The following KAZN variants were observed in gnomAD, a reference collection of about 807,000 sequenced individuals.
The protein encoded by KAZN is kazrin.
KAZN carries 40 observed loss-of-function variants against 87.4 expected under a neutral mutation model. The ratio of observed to expected loss-of-function variants is 0.46; its 90% CI spans 0.36 to 0.60. KAZN has a LOEUF of 0.60. KAZN is among the 20% of genes least tolerant of loss of function. The pLI is 0.00. For synonymous variants in KAZN, 466 were observed against 458.3 expected, an observed-to-expected ratio of 1.02 and a Z score of -0.22; for missense variants, 898 against 1,073.9, an observed-to-expected ratio of 0.84 and a Z score of 2.29.
intron 1 of KAZN, among the ~76,000 whole-genome samples, chr1:14,627,966 G>A (rs192964701): frequency 6.6e-6 from 1 of 151,946 alleles, no homozygotes; most frequent in Non-Finnish European, 1.5e-5. Flanking sequence ...GTGTGGGCAA[G>A]ATGGATATGG....
chr1:14,273,177 GTGT>G (rs1652086100), intron 2 of KAZN, among the ~76,000 whole-genome samples: 2 of 152,078 alleles, frequency 1.3e-5, no homozygotes, highest in South Asian at 4.1e-4. Context: ...TGGCTTATTT[GTGT>G]TGTTGTTGGA....
At chr1:14,530,358 A>G (rs945837045) in intron 2 of KAZN, among the ~76,000 whole-genome samples, 18 of 152,168 alleles carry the variant, frequency 1.2e-4, no homozygotes, top group Admixed American at 8.5e-4. Flanking sequence ...CCATCAGTGG[A>G]CTGCAGCCTT....
intron 1 of KAZN, among the ~76,000 whole-genome samples, chr1:13,906,339 A>G (rs1639434723): frequency 6.6e-6 from 1 of 152,188 alleles, no homozygotes; most frequent in Non-Finnish European, 1.5e-5. Context: ...AAATAGAGCA[A>G]ACAACCTCCA....
intron 2 of KAZN, among the ~76,000 whole-genome samples, chr1:14,334,807 G>A (rs1295749824): frequency 2.0e-5 from 3 of 152,128 alleles, no homozygotes; most frequent in African/African-American, 7.2e-5. Flanking sequence ...TTCCCCCAGA[G>A]AGAGACAGAA....
chr1:14,670,736 G>A (rs900598820), intron 1 of KAZN, among the ~76,000 whole-genome samples: 1 of 152,194 alleles, frequency 6.6e-6, no homozygotes, highest in African/African-American at 2.4e-5. Flanking sequence ...TTAAAACACA[G>A]ATGCTGATTC....
At chr1:14,057,165 C>A (rs1051393718) in intron 1 of KAZN, among the ~76,000 whole-genome samples, 11 of 147,952 alleles carry the variant, frequency 7.4e-5, no homozygotes, top group Non-Finnish European at 1.3e-4. Flanking sequence ...GACGGAGTCT[C>A]ACTCTGTTTT....
chr1:14,248,250 C>T (rs1389171628), intron 2 of KAZN, among the ~76,000 whole-genome samples: 1 of 152,198 alleles, frequency 6.6e-6, no homozygotes. Flanking sequence ...TTCTAAACTC[C>T]TATAAATGAG....
At chr1:14,380,888 A>G (rs1228729220) in intron 2 of KAZN, among the ~76,000 whole-genome samples, 1 of 152,264 alleles carries the variant, frequency 6.6e-6, no homozygotes, top group East Asian at 1.9e-4. Flanking sequence ...TAGAATACCA[A>G]GCAGTTTAAC....
intron 1 of KAZN, among the ~76,000 whole-genome samples, chr1:14,164,132 C>T (rs1371660816): frequency 6.6e-6 from 1 of 152,182 alleles, no homozygotes; most frequent in Non-Finnish European, 1.5e-5. Flanking sequence ...TCATAAATTA[C>T]CTCCAATGCC....
chr1:14,690,166 C>T (rs1484677389), intron 1 of KAZN, among the ~76,000 whole-genome samples: 2 of 152,204 alleles, frequency 1.3e-5, no homozygotes, highest in Non-Finnish European at 2.9e-5. Context: ...TCGCCACACT[C>T]CGCCGCGGCA....
In KAZN at chr1:14,728,063, A is replaced by G. The variant is rs779653752; in HGVS notation, c.226+128840A>G. Among the ~76,000 whole-genome samples, 91 of 151,718 alleles carry G rather than the reference A, an allele frequency of 6.0e-4. 1 individual carries two copies. Among genetic ancestry groups the G allele is most frequent in the Non-Finnish European group, 1.1e-3 (78 of 67,954 alleles). Reference sequence around the variant, plus strand: ...CACTTTGGGAGGCCGAGACGGGCGGATCATCTGAGGTCAGGAGTTCGAGAC... The same window carrying G: ...CACTTTGGGAGGCCGAGACGGGCGGGTCATCTGAGGTCAGGAGTTCGAGAC... On this transcript the variant is annotated intron_variant, in intron 1 of 14. Coordinates refer to ENST00000376030, the MANE Select transcript of KAZN (RefSeq NM_201628.3).
At chr1:15,079,720 C>A (rs1464137086) in intron 8 of KAZN, among the ~76,000 whole-genome samples, 1 of 152,050 alleles carries the variant, frequency 6.6e-6, no homozygotes, top group Non-Finnish European at 1.5e-5. Flanking sequence ...AGAAGCCTGC[C>A]GGGAAAACAT....
chr1:14,942,515 G>T (rs1661217475), intron 1 of KAZN, among the ~76,000 whole-genome samples: 1 of 152,204 alleles, frequency 6.6e-6, no homozygotes, highest in Admixed American at 6.5e-5. Flanking sequence ...TTCAAGCTGC[G>T]CACTTTGATC....
intron 2 of KAZN, among the ~76,000 whole-genome samples, chr1:15,006,861 C>T (rs573097587): frequency 2.0e-3 from 309 of 152,006 alleles, no homozygotes; most frequent in Non-Finnish European, 3.6e-3. Flanking sequence ...TCGAGACCAT[C>T]CTGGCTAACA....
intron 4 of KAZN, among the ~76,000 whole-genome samples, chr1:15,046,100 C>T (rs983994206): frequency 6.6e-6 from 1 of 152,146 alleles, no homozygotes; most frequent in East Asian, 1.9e-4. Context: ...GAGTTCGAGA[C>T]CAGCCTGGCT....
At chr1:14,740,885 C>G (rs570088411) in intron 1 of KAZN, among the ~76,000 whole-genome samples, 1 of 152,316 alleles carries the variant, frequency 6.6e-6, no homozygotes, top group Non-Finnish European at 1.5e-5. Context: ...TTTGGAAATT[C>G]AGTTTTATCG....
At chr1:14,909,819 C>T (rs1182823360) in intron 1 of KAZN, among the ~76,000 whole-genome samples, 6 of 152,138 alleles carry the variant, frequency 3.9e-5, no homozygotes, top group South Asian at 4.1e-4. Context: ...CTGAGGCAGG[C>T]GGATCACCTG....
chr1:14,159,683 C>A (rs1400742708), intron 1 of KAZN, among the ~76,000 whole-genome samples: 1 of 152,164 alleles, frequency 6.6e-6, no homozygotes, highest in Non-Finnish European at 1.5e-5. Context: ...AGGAGTCTTG[C>A]CCCATTGCCA....
At chr1:14,646,821 A>G (rs1043093179) in intron 1 of KAZN, among the ~76,000 whole-genome samples, 3 of 152,206 alleles carry the variant, frequency 2.0e-5, no homozygotes, top group Non-Finnish European at 4.4e-5. Flanking sequence ...CCTTTCTCAG[A>G]GACCCCTTTG....
Sources: gnomAD v4.1 joint callset for allele counts (sites outside exome capture counted in the v4.1 genomes callset) on GRCh38, gnomAD v4.1.1 for gene constraint, MANE v1.5 for transcripts, NCBI Gene and HGNC (gene_info 2026-07-23, HGNC 2026-07-21) for gene names.